The following DCLK2 variants were observed in gnomAD, a reference collection of about 807,000 sequenced individuals.
The protein encoded by DCLK2 is doublecortin like kinase 2.
Under a neutral mutation model 78.4 loss-of-function variants are expected in DCLK2, and 31 were observed. The observed-to-expected ratio is 0.40, with a 90% CI of 0.30 to 0.53. The LOEUF (loss-of-function observed/expected upper bound fraction) is 0.53. Among genes scored for constraint, DCLK2 ranks in the 20% least tolerant of loss-of-function variants. The probability of loss-of-function intolerance (pLI) is 0.61; values close to 1 mark genes in which losing one functional copy is unlikely to be tolerated. For missense variants in DCLK2, 872 were observed against 973.7 expected (o/e 0.90, Z 1.39); for synonymous variants, 407 against 374.9 (o/e 1.09, Z -0.99).
chr4:150,145,855 T>A (rs578152798), intron 2 of DCLK2, among the ~76,000 whole-genome samples: 1 of 152,224 alleles, frequency 6.6e-6, no homozygotes, highest in Non-Finnish European at 1.5e-5. Flanking sequence ...GAAATAGTTA[T>A]GGAATGACTC....
rs1560834512 is a variant in DCLK2 at position 150,175,026 on chromosome 4, A to ATATATATATATATT, written c.757-18105_757-18104insATATATTTATATAT. Among the ~76,000 whole-genome samples, 57 of 55,116 alleles carry ATATATATATATATT rather than the reference A, an allele frequency of 1.0e-3. 15 individuals are homozygous for ATATATATATATATT. Among genetic ancestry groups the ATATATATATATATT allele is most frequent in the African/African-American group, 3.3e-3 (52 of 15,822 alleles). The allele number at this position is 55,116 out of a possible 152,430, so 36.2% of individuals were successfully genotyped here. ...AAAAAAAAAAAATATATATATATAT[A>ATATATATATATATT]TATATATTTATATATATTTATATAT... On this transcript the variant is annotated intron_variant, in intron 2 of 15. Transcript: ENST00000296550.
At chr4:150,205,219 G>GAGCAGC (rs1739763855) in intron 5 of DCLK2, among the ~76,000 whole-genome samples, 1 of 152,174 alleles carries the variant, frequency 6.6e-6, no homozygotes, top group Non-Finnish European at 1.5e-5. Context: ...GACACCTTCA[G>GAGCAGC]AGCAGCATGT....
intron 2 of DCLK2, among the ~76,000 whole-genome samples, chr4:150,132,592 CT>C (rs35060471): frequency 0.23 from 35,623 of 151,600 alleles, 4,560 homozygotes; most frequent in African/African-American, 0.34. Flanking sequence ...TTGTTCACAA[CT>C]TTTTTTTTAA....
intron 1 of DCLK2, among the ~76,000 whole-genome samples, chr4:150,085,616 A>T (rs1315107273): frequency 6.6e-6 from 1 of 152,140 alleles, no homozygotes; most frequent in Non-Finnish European, 1.5e-5. Flanking sequence ...TGTTCAACCC[A>T]CAGCAGGAGG....
rs34276664 is a variant in DCLK2, at chr4:150,104,394, TAAAAAAAAAA to T, written c.756+1602_756+1611del. On this transcript the variant is annotated intron_variant, in intron 2 of 15. Transcript: ENST00000296550. ...TGGTGACAAAAAAGACCACATCTCC[TAAAAAAAAAA>T]AAAAAAAAAAAAAAAAAAATCGAGC... is the stretch of plus-strand genomic sequence containing the variant. 7.1e-4 allele frequency among the ~76,000 whole-genome samples: 21 copies of T among 29,756 alleles called. 2 individuals carry two copies. The highest frequency in any genetic ancestry group is 5.8e-3 in the Admixed American group (12 of 2,084). The allele number at this position is 29,756 out of a possible 152,430, so 19.5% of individuals were successfully genotyped here.
At chr4:150,092,970 T>C (rs1236573744) in intron 1 of DCLK2, among the ~76,000 whole-genome samples, 1 of 152,052 alleles carries the variant, frequency 6.6e-6, no homozygotes, top group East Asian at 1.9e-4. Flanking sequence ...AAATAAAAGG[T>C]ACCTAAATCA....
At chr4:150,200,010 C>G (rs1188983849) in intron 4 of DCLK2, among the ~76,000 whole-genome samples, 1 of 152,022 alleles carries the variant, frequency 6.6e-6, no homozygotes, top group African/African-American at 2.4e-5. Context: ...GTAGCAAGGC[C>G]CTGTCTCTTT....
intron 1 of DCLK2, among the ~76,000 whole-genome samples, chr4:150,100,978 A>G (rs1361002446): frequency 4.6e-5 from 7 of 152,162 alleles, no homozygotes; most frequent in African/African-American, 1.7e-4. Context: ...GGGGCCAGGC[A>G]TGGTGGCTCA....
chr4:150,228,235 AATATTTGCAAGTTGCAGGG>A (rs1358764186), intron 8 of DCLK2, among the ~76,000 whole-genome samples: 1 of 152,218 alleles, frequency 6.6e-6, no homozygotes, highest in African/African-American at 2.4e-5. Flanking sequence ...CAAGTAAGGT[AATATTTGCAAGTTGCAGGG>A]ATTAGGACTT....
At chr4:150,098,635 A>G (rs1430280892) in intron 1 of DCLK2, among the ~76,000 whole-genome samples, 1 of 150,320 alleles carries the variant, frequency 6.7e-6, no homozygotes, top group African/African-American at 2.4e-5. Flanking sequence ...TGGTGAGGGC[A>G]GTTTTAACAT....
chr4:150,219,675 A>G (rs936327907), intron 5 of DCLK2, among the ~76,000 whole-genome samples: 5 of 152,246 alleles, frequency 3.3e-5, no homozygotes, highest in African/African-American at 1.2e-4. Flanking sequence ...TTACAGGGAT[A>G]AGCTAATTTT....
At chr4:150,121,037 C>T (rs1460505152) in intron 2 of DCLK2, among the ~76,000 whole-genome samples, 1 of 152,090 alleles carries the variant, frequency 6.6e-6, no homozygotes, top group African/African-American at 2.4e-5. Context: ...CGCTATTGCA[C>T]TCCAGCCTGG....
chr4:150,246,457 T>C (rs1369747745), intron 12 of DCLK2, among the ~76,000 whole-genome samples: 1 of 152,204 alleles, frequency 6.6e-6, no homozygotes, highest in East Asian at 1.9e-4. Context: ...GACACCACGC[T>C]TGCCCTTGTT....
intron 1 of DCLK2, among the ~76,000 whole-genome samples, chr4:150,083,451 C>G (rs2150129598): frequency 6.6e-6 from 1 of 152,228 alleles, no homozygotes; most frequent in South Asian, 2.1e-4. Context: ...AGAAATCAAG[C>G]CCATGAAGTT....
At chr4:150,135,165 T>TACACACACACACACACACACACACAC (rs57866267) in intron 2 of DCLK2, among the ~76,000 whole-genome samples, 216 of 146,914 alleles carry the variant, frequency 1.5e-3, no homozygotes, top group East Asian at 4.1e-3. Context: ...CATACACGTG[T>TACACACACACACACACACACACACAC]ACACACACAC....
At chr4:150,159,381 G>T (rs1735542988) in intron 2 of DCLK2, among the ~76,000 whole-genome samples, 1 of 152,214 alleles carries the variant, frequency 6.6e-6, no homozygotes, top group South Asian at 2.1e-4. Context: ...CCTCCTGGAT[G>T]TCCCCAAAGG....
chr4:150,094,282 G>A (rs1274697989), intron 1 of DCLK2, among the ~76,000 whole-genome samples: 1 of 152,206 alleles, frequency 6.6e-6, no homozygotes, highest in East Asian at 1.9e-4. Flanking sequence ...CAGAATGAGA[G>A]AAAATGTTTG....
At position 150,113,697 on chromosome 4, in the gene DCLK2, CTTTTT is replaced by C. The variant is rs59728799; in HGVS notation, c.756+10893_756+10897del. Among the ~76,000 whole-genome samples, 4 of 141,374 alleles carry C rather than the reference CTTTTT, an allele frequency of 2.8e-5. No homozygotes were observed. The South Asian group carries it at 6.9e-4, about 24-fold the overall frequency. 92.7% of individuals were successfully genotyped at this position (141,374 alleles called of 152,430 possible). A position where few individuals can be genotyped will look rare whatever the true frequency, so the allele number is the denominator to read the frequency against. The stretch of plus-strand genomic sequence containing the variant: ...TTGTTTATCTTTGCAAAGAACCAAC[CTTTTT>C]TTTTTTTCATTGATCTTTTGTATTG... On this transcript the variant is annotated intron_variant, in intron 2 of 15. Transcript: ENST00000296550.
intron 12 of DCLK2, among the ~76,000 whole-genome samples, chr4:150,246,018 G>A (rs1743279955): frequency 6.6e-6 from 1 of 151,088 alleles, no homozygotes; most frequent in African/African-American, 2.4e-5. Context: ...TAAATGTCAT[G>A]AATATTTACA....
Sources: gnomAD v4.1 joint callset for allele counts (sites outside exome capture counted in the v4.1 genomes callset) on GRCh38, gnomAD v4.1.1 for gene constraint, MANE v1.5 for transcripts, NCBI Gene and HGNC (gene_info 2026-07-23, HGNC 2026-07-21) for gene names.